BSN: variants seen among roughly 807,000 people sequenced by gnomAD.
BSN encodes bassoon presynaptic cytomatrix protein, also known as protein bassoon.
In BSN, 57 loss-of-function variants were observed where a neutral mutation model predicts 264.8. The observed-to-expected ratio is 0.22, with a 90% CI of 0.17 to 0.27. BSN has a LOEUF of 0.27. Ranked by LOEUF, BSN falls within the 10% of genes least tolerant of loss-of-function variation. The pLI, the probability that BSN is intolerant of heterozygous loss-of-function variation, is 1.00. For synonymous variants in BSN, 2,059 were observed against 2,137.3 expected, an observed-to-expected ratio of 0.96 and a Z score of 1.01; for missense variants, 4,615 against 5,232.5, an observed-to-expected ratio of 0.88 and a Z score of 3.64.
chr3:49,639,487 G>A (rs114922254), intron 2 of BSN, among the ~76,000 whole-genome samples: 3 of 152,086 alleles, frequency 2.0e-5, no homozygotes, highest in Admixed American at 1.3e-4. Context: ...CGTGAGCCAC[G>A]GTGCACGGCC....
intron 2 of BSN, among the ~76,000 whole-genome samples, chr3:49,632,741 T>G (rs1408530183): frequency 6.6e-6 from 1 of 151,490 alleles, no homozygotes; most frequent in African/African-American, 2.4e-5. Context: ...GAGGCGGAGG[T>G]TGCAGTGAAT....
intron 2 of BSN, among the ~76,000 whole-genome samples, chr3:49,628,678 G>C (rs1488430801): frequency 6.6e-6 from 1 of 152,194 alleles, no homozygotes; most frequent in African/African-American, 2.4e-5. Context: ...TGGAAATTGG[G>C]GAAGGAGCTC....
chr3:49,600,809 A>C (rs2052068061), intron 1 of BSN, among the ~76,000 whole-genome samples: 1 of 152,046 alleles, frequency 6.6e-6, no homozygotes, highest in South Asian at 2.1e-4. Context: ...ATCTCTAAAA[A>C]ATAAATAAGT....
At position 49,657,988 on chromosome 3, in the gene BSN, T is replaced by C. The variant is rs773169268; in HGVS notation, c.8432T>C (p.Phe2811Ser). Residue 2811 changes from phenylalanine (F) to serine (S), a missense_variant, in exon 5 of 12, where the codon TTT becomes TCT. Phe to Ser is a radical substitution (Grantham distance 155). Coordinates refer to ENST00000296452, the MANE Select transcript of BSN (RefSeq NM_003458.4). ...LSPHRLLDTS[F>S]ASSERLNKAH... ...CCTCACCGGCTCCTGGACACCTCCT[T>C]TGCTTCCAGTGAGAGGCTGAACAAA... 9 of 1,612,276 alleles carry C rather than the reference T, an allele frequency of 5.6e-6. No individual in the cohort carries two copies. Among genetic ancestry groups the C allele is most frequent in the Non-Finnish European group, 6.8e-6 (8 of 1,178,860 alleles).
At position 49,652,968 on chromosome 3, in the gene BSN, G is replaced by A. The variant is rs767981959; in HGVS notation, c.3412G>A (p.Ala1138Thr). The A allele has an allele frequency of 5.8e-5, 93 of 1,612,708 alleles. No homozygotes were observed. The highest frequency in any genetic ancestry group is 7.8e-5 in the Non-Finnish European group (92 of 1,179,462). Residue 1138 changes from alanine (A) to threonine (T), a missense_variant, in exon 5 of 12, where the codon GCC becomes ACC. Coordinates refer to ENST00000296452, the MANE Select transcript of BSN (RefSeq NM_003458.4). ...PSPSLDSEAE[A>T]LDGGPSRLYK... The stretch of plus-strand genomic sequence containing the variant: ...ACCCTCCCTTGACTCTGAGGCTGAG[G>A]CCTTGGATGGTGGCCCTAGCCGGCT...
At position 49,654,304 on chromosome 3, in the gene BSN, C is replaced by T. The variant is rs967628917; in HGVS notation, c.4748C>T (p.Ser1583Leu). 5.0e-6 allele frequency: 8 copies of T among 1,613,652 alleles called. No individual in the cohort carries two copies. In the Admixed American group the frequency reaches 5.0e-5, roughly 10 times the overall value. The stretch of plus-strand genomic sequence containing the variant: ...AGTGCCTCCACCTCCCCGCTCTGCT[C>T]ACCTACTGAAACCCAGCCCACCACC... ...HASASTSPLC[S>L]PTETQPTTHG... The change falls in exon 5 of 12, where the codon TCA becomes TTA. Residue 1583 changes from serine (S) to leucine (L), a missense_variant. Around this residue, in one of 3 missense-constraint regions of BSN, gnomAD observed 3,415 missense variants for 3,866.4 expected, o/e 0.88. Coordinates refer to ENST00000296452, the MANE Select transcript of BSN (RefSeq NM_003458.4). This position sits in a 1 kb window ranked among gnomAD's most constrained non-coding sequence, Gnocchi z 4.1.
intron 3 of BSN, among the ~76,000 whole-genome samples, chr3:49,650,355 G>A (rs2052530792): frequency 6.6e-6 from 1 of 152,164 alleles, no homozygotes; most frequent in Non-Finnish European, 1.5e-5. Flanking sequence ...CTGGTGAAAA[G>A]TTCTCTGTGG....
In BSN at chr3:49,651,568, A is replaced by C. The variant is rs1466008788; in HGVS notation, c.2012A>C (p.Gln671Pro). 6.3e-7 allele frequency: 1 copy of C among 1,591,872 alleles called. No individual in the cohort carries two copies. Among genetic ancestry groups the C allele is most frequent in the Admixed American group, 1.7e-5 (1 of 58,136 alleles). Residue 671 changes from glutamine to proline, a missense_variant, in exon 5 of 12, where the codon CAG (glutamine) becomes CCG (proline). By Grantham distance (76) the Gln-to-Pro change is moderately conservative. Around this residue, in one of 3 missense-constraint regions of BSN, gnomAD observed 1,197 missense variants for 1,348.0 expected, o/e 0.89. Transcript: ENST00000296452. The surrounding 1 kb of genome is among the most constrained non-coding windows in gnomAD (Gnocchi z 5.4). Reference sequence around the variant, plus strand: ...GACCTGGTGGGCAAGCCTTACTCTCAGGATGCGTCTCGGAGCCCACAGAGC... The same window carrying C: ...GACCTGGTGGGCAAGCCTTACTCTCCGGATGCGTCTCGGAGCCCACAGAGC... ...AEDLVGKPYS[Q>P]DASRSPQSLS...
Position 49,554,808 on chromosome 3 carries a change from C to T in BSN, c.206C>T (p.Pro69Leu). The change falls in exon 1 of 12, where the codon CCC becomes CTC. Residue 69 changes from proline (P) to leucine (L), a missense_variant. By Grantham distance (98) the Pro-to-Leu change is moderately conservative (BLOSUM62 -3). Coordinates refer to ENST00000296452, the MANE Select transcript of BSN (RefSeq NM_003458.4). ...CCTGGCCCCGGCCCCGGCCCCGGTCCCGGCCCTGGCCCGGGCAGGTAAGCG... is the reference window on the plus strand; with the variant it reads ...CCTGGCCCCGGCCCCGGCCCCGGTCTCGGCCCTGGCCCGGGCAGGTAAGCG... ...PVPGPGPGPG[P>L]GPGPGSTSRR... is the part of the protein sequence containing the mutation. 1 of 1,222,260 alleles carries T rather than the reference C, an allele frequency of 8.2e-7. No individual in the cohort carries two copies. 75.7% of individuals were successfully genotyped at this position (1,222,260 alleles called of 1,614,324 possible). A position where few individuals can be genotyped will look rare whatever the true frequency, so the allele number is the denominator to read the frequency against.
chr3:49,582,129 A>AT (rs2051899662), intron 1 of BSN, among the ~76,000 whole-genome samples: 1 of 151,750 alleles, frequency 6.6e-6, no homozygotes, highest in Non-Finnish European at 1.5e-5. Flanking sequence ...GAGGGTTCCA[A>AT]TTTTTCCACG....
intron 2 of BSN, chr3:49,641,735 T>A (rs2052466472): frequency 6.6e-6 from 1 of 152,424 alleles, no homozygotes; most frequent in African/African-American, 2.4e-5. Flanking sequence ...TTCTTTTTAT[T>A]CTCTATGCCT....
chr3:49,643,711 A>G (rs1338323258), intron 3 of BSN, among the ~76,000 whole-genome samples: 1 of 152,144 alleles, frequency 6.6e-6, no homozygotes. Context: ...CTACTTGTCA[A>G]AGTCACAGCC....
intron 1 of BSN, among the ~76,000 whole-genome samples, chr3:49,589,584 G>A (rs186380145): frequency 9.5e-5 from 14 of 148,140 alleles, no homozygotes; most frequent in Admixed American, 3.4e-4. Context: ...TCAGCTCACA[G>A]CAACCTCCGC....
At position 49,667,724 on chromosome 3, in the gene BSN, G is replaced by T. The variant is rs928867291; in HGVS notation, c.*239G>T. The T allele has an allele frequency of 2.0e-4, 30 of 152,618 alleles. No individual in the cohort carries two copies. The highest frequency in any genetic ancestry group is 6.8e-4 in the African/African-American group (28 of 41,416). 9.5% of individuals were successfully genotyped at this position (152,618 alleles called of 1,614,324 possible). A position where few individuals can be genotyped will look rare whatever the true frequency, so the allele number is the denominator to read the frequency against. ...ATCTGCTGGACAAGTCGGACCACTGGCCAGGGGACCTTTGATTGTCTTTCC... is the reference window on the plus strand; with the variant it reads ...ATCTGCTGGACAAGTCGGACCACTGTCCAGGGGACCTTTGATTGTCTTTCC... On this transcript the variant is annotated 3_prime_UTR_variant, in exon 12 of 12. Transcript: ENST00000296452.
chr3:49,604,562 C>T (rs951132044), intron 1 of BSN, among the ~76,000 whole-genome samples: 5 of 152,104 alleles, frequency 3.3e-5, no homozygotes, highest in African/African-American at 7.2e-5. Context: ...TTTTAAGGGT[C>T]GAATAATACT....
At position 49,658,036 on chromosome 3, in the gene BSN, A is replaced by C. The variant is rs781389601; in HGVS notation, c.8480A>C (p.His2827Pro). Residue 2827 changes from histidine to proline, a missense_variant, in exon 5 of 12, where the codon CAC becomes CCC. This residue lies in a region of BSN where 3,415 missense variants were observed against 3,866.4 expected (regional missense o/e 0.88). Transcript: ENST00000296452. The stretch of plus-strand genomic sequence containing the variant: ...AAAGCTCACGTGAGTCCCCAGAAGC[A>C]CTTCACGGCTGACAGCGCTCTCCGC... The part of the protein sequence containing the change: ...LNKAHVSPQK[H>P]FTADSALRQQ... 6.2e-7 allele frequency: 1 copy of C among 1,613,538 alleles called. No individual in the cohort carries two copies.
rs772224615 is a variant in BSN at position 49,643,045 on chromosome 3, G to A, written c.1411G>A (p.Glu471Lys). The change falls in exon 3 of 12, where the codon GAG becomes AAG. Residue 471 changes from glutamate (E) to lysine (K), a missense_variant. This residue lies in a region of BSN where 1,197 missense variants were observed against 1,348.0 expected (regional missense o/e 0.89). Coordinates refer to ENST00000296452, the MANE Select transcript of BSN (RefSeq NM_003458.4). ...ERAICPLCQA[E>K]LNVGSKSPAN... ...GGCCATCTGCCCACTGTGCCAAGCC[G>A]AGCTCAACGTGGGCAGCAAGAGCCC... 25 of 1,613,934 alleles carry A rather than the reference G, an allele frequency of 1.5e-5. No individual in the cohort carries two copies. The highest frequency in any genetic ancestry group is 2.7e-5 in the African/African-American group (2 of 74,934).
intron 3 of BSN, among the ~76,000 whole-genome samples, chr3:49,644,104 C>T (rs554047693): frequency 1.3e-5 from 2 of 152,286 alleles, no homozygotes; most frequent in South Asian, 2.1e-4. Context: ...CTGCCTTGGG[C>T]GTAGCTTGGT....
chr3:49,581,062 A>G (rs2051892706), intron 1 of BSN, among the ~76,000 whole-genome samples: 1 of 150,860 alleles, frequency 6.6e-6, no homozygotes, highest in Non-Finnish European at 1.5e-5. Context: ...GCTCACTGCA[A>G]CCTCTGCCTC....
Sources: allele counts gnomAD v4.1 joint callset (sites outside exome capture counted in the v4.1 genomes callset), GRCh38; gene constraint gnomAD v4.1.1; regional missense constraint gnomAD v4.1.1; non-coding constraint Gnocchi (gnomAD v3.1); transcripts MANE v1.5; gene names NCBI Gene and HGNC (gene_info 2026-07-23, HGNC 2026-07-21).